CDH13: variants seen among roughly 807,000 people sequenced by gnomAD.
CDH13 encodes the protein cadherin 13.
CDH13 carries 24 observed loss-of-function variants against 63.8 expected under a neutral mutation model. That is an observed-to-expected ratio of 0.38 (90% CI 0.27 to 0.53). CDH13 has a LOEUF of 0.53. Among genes scored for constraint, CDH13 ranks in the 20% least tolerant of loss-of-function variants. The probability of loss-of-function intolerance (pLI) is 0.85; values close to 1 mark genes in which losing one functional copy is unlikely to be tolerated. For missense variants in CDH13, 1,049 were observed against 903.1 expected (o/e 1.16, Z -2.07); for synonymous variants, 503 against 355.3 (o/e 1.42, Z -4.67).
At chr16:83,079,992 G>T (rs1159964099) in intron 3 of CDH13, among the ~76,000 whole-genome samples, 8 of 152,126 alleles carry the variant, frequency 5.3e-5, no homozygotes, top group Admixed American at 6.6e-5. Context: ...GTACTTTCAC[G>T]TTTGGACTAA....
chr16:83,437,428 C>T (rs76759048), intron 6 of CDH13, among the ~76,000 whole-genome samples: 8,987 of 152,122 alleles, frequency 0.059, 375 homozygotes, highest in African/African-American at 0.12. Context: ...GTAATCTCAG[C>T]GCTTTGAGAG....
intron 1 of CDH13, among the ~76,000 whole-genome samples, chr16:82,796,143 C>T (rs1445881265): frequency 1.3e-5 from 2 of 152,036 alleles, no homozygotes; most frequent in Non-Finnish European, 1.5e-5. Flanking sequence ...AGGAGGAAAC[C>T]AAGGTTCTAG....
intron 2 of CDH13, among the ~76,000 whole-genome samples, chr16:82,966,753 C>A (rs1907896366): frequency 6.6e-6 from 1 of 152,164 alleles, no homozygotes; most frequent in Admixed American, 6.5e-5. Context: ...CCTCCCTCCC[C>A]CAACTATTGA....
At chr16:83,689,433 T>TATCA (rs1904628585) in intron 10 of CDH13, among the ~76,000 whole-genome samples, 1 of 152,232 alleles carries the variant, frequency 6.6e-6, no homozygotes, top group African/African-American at 2.4e-5. Context: ...TGAGTTTGTC[T>TATCA]ATCAATCACT....
intron 7 of CDH13, among the ~76,000 whole-genome samples, chr16:83,513,313 G>C (rs1383408029): frequency 6.6e-6 from 1 of 152,062 alleles, no homozygotes; most frequent in Non-Finnish European, 1.5e-5. Flanking sequence ...AGGCATCATG[G>C]GACCTGAAAT....
At chr16:83,090,440 G>T (rs1468187946) in intron 3 of CDH13, among the ~76,000 whole-genome samples, 1 of 152,002 alleles carries the variant, frequency 6.6e-6, no homozygotes, top group Non-Finnish European at 1.5e-5. Flanking sequence ...TGGGCATGGT[G>T]GTGCACCCCT....
At chr16:83,786,741 C>T (rs1349502749) in intron 13 of CDH13, among the ~76,000 whole-genome samples, 1 of 152,050 alleles carries the variant, frequency 6.6e-6, no homozygotes, top group Admixed American at 6.6e-5. Flanking sequence ...GCATGCACCA[C>T]CATGCCCGGC....
At chr16:83,119,520 C>G (rs1309168491) in intron 3 of CDH13, among the ~76,000 whole-genome samples, 13 of 152,202 alleles carry the variant, frequency 8.5e-5, no homozygotes. Flanking sequence ...CTTATTACCT[C>G]CCTCCTTTAC....
At chr16:83,363,748 C>T (rs906835013) in intron 6 of CDH13, among the ~76,000 whole-genome samples, 2 of 152,194 alleles carry the variant, frequency 1.3e-5, no homozygotes, top group East Asian at 1.9e-4. Context: ...TCCTTTGGAA[C>T]GGCAGCTCTC....
chr16:83,496,192 G>T (rs963129498), intron 7 of CDH13, among the ~76,000 whole-genome samples: 2 of 151,796 alleles, frequency 1.3e-5, no homozygotes, highest in Admixed American at 1.3e-4. Flanking sequence ...AAAAGAGCCC[G>T]CATCGCCAAG....
intron 7 of CDH13, among the ~76,000 whole-genome samples, chr16:83,600,845 C>T (rs1291066727): frequency 6.6e-6 from 1 of 152,148 alleles, no homozygotes; most frequent in Non-Finnish European, 1.5e-5. Flanking sequence ...GAAGCGGCTC[C>T]AGTACAACCA....
intron 3 of CDH13, among the ~76,000 whole-genome samples, chr16:83,082,985 G>T (rs566427413): frequency 0.19 from 148 of 792 alleles, 1 homozygote; most frequent in African/African-American, 0.36. Flanking sequence ...TTTCTAGTAA[G>T]AATTTTTTTT....
chr16:83,126,001 T>C lies in CDH13; in HGVS notation c.483+500T>C, dbSNP rs147821468. ...AACACTGTCCCATGAATCAGAACAA[T>C]AGCTTTTCCAGGAAGAAATAGTCAC... On this transcript the variant is annotated intron_variant, in intron 4 of 13. Coordinates refer to ENST00000567109, the MANE Select transcript of CDH13 (RefSeq NM_001257.5). Among the ~76,000 whole-genome samples, 871 of 152,260 alleles carry C rather than the reference T, an allele frequency of 5.7e-3. 9 individuals are homozygous for C. The highest frequency in any genetic ancestry group is 0.02 in the African/African-American group (818 of 41,556).
chr16:83,375,568 C>T (rs11866212), intron 6 of CDH13, among the ~76,000 whole-genome samples: 2,383 of 152,184 alleles, frequency 0.016, 71 homozygotes, highest in African/African-American at 0.054. Flanking sequence ...TAAAAACAGG[C>T]TTGTATGTTG....
At chr16:83,479,525 C>T (rs1051099353) in intron 6 of CDH13, among the ~76,000 whole-genome samples, 1 of 152,098 alleles carries the variant, frequency 6.6e-6, no homozygotes, top group Non-Finnish European at 1.5e-5. Context: ...GGCGTAGTGG[C>T]AGACACCTGT....
intron 10 of CDH13, chr16:83,717,757 T>G (rs1371162510): frequency 6.6e-6 from 1 of 152,264 alleles, no homozygotes; most frequent in Non-Finnish European, 1.5e-5. Context: ...CTCCCCTGCA[T>G]GCAAAGCTTG....
At chr16:83,099,462 T>C (rs2151598244) in intron 3 of CDH13, among the ~76,000 whole-genome samples, 1 of 151,688 alleles carries the variant, frequency 6.6e-6, no homozygotes, top group African/African-American at 2.4e-5. Context: ...TAGCTGGGAT[T>C]ACAGGCACCT....
intron 4 of CDH13, among the ~76,000 whole-genome samples, chr16:83,172,782 C>T (rs139773218): frequency 6.6e-6 from 1 of 152,124 alleles, no homozygotes; most frequent in African/African-American, 2.4e-5. Context: ...AAACAAAAAA[C>T]AAACAATAAA....
At chr16:82,757,378 C>T (rs771187186) in intron 1 of CDH13, among the ~76,000 whole-genome samples, 19 of 152,196 alleles carry the variant, frequency 1.2e-4, no homozygotes, top group Non-Finnish European at 2.6e-4. Flanking sequence ...TTGTCTTGAG[C>T]TTACAGGTTT....
Sources: gnomAD v4.1 joint callset for allele counts (sites outside exome capture counted in the v4.1 genomes callset) on GRCh38, gnomAD v4.1.1 for gene constraint, MANE v1.5 for transcripts, NCBI Gene and HGNC (gene_info 2026-07-23, HGNC 2026-07-21) for gene names.